FMN2: variants seen among roughly 807,000 people sequenced by gnomAD.
FMN2 encodes formin 2, also known as formin-2.
FMN2 carries 51 observed loss-of-function variants against 142.3 expected under a neutral mutation model. The observed-to-expected ratio is 0.36, with a 90% confidence interval of 0.29 to 0.45. The LOEUF is 0.45. Among genes scored for constraint, FMN2 ranks in the 20% least tolerant of loss-of-function variants. The pLI is 1.00. For synonymous variants in FMN2, 882 were observed against 869.8 expected (o/e 1.01, Z -0.25); for missense variants, 1,936 against 2,122.8 (o/e 0.91, Z 1.73).
chr1:240,139,568 CA>C (rs556124762), intron 2 of FMN2, among the ~76,000 whole-genome samples: 1 of 151,846 alleles, frequency 6.6e-6, no homozygotes. Flanking sequence ...ATGATAAAGA[CA>C]AAAAAACAAG....
chr1:240,241,825 C>CTTTTTTTTTTTTTTTTTTTTTTT (rs71567282), intron 6 of FMN2, among the ~76,000 whole-genome samples: 7 of 96,226 alleles, frequency 7.3e-5, no homozygotes, highest in African/African-American at 2.3e-4. Flanking sequence ...GTGTGCCTTG[C>CTTTTTTTTTTTTTTTTTTTTTTT]TTTTTTTTTT....
chr1:240,435,766 T>C (rs1675346424), intron 15 of FMN2, among the ~76,000 whole-genome samples: 1 of 152,224 alleles, frequency 6.6e-6, no homozygotes, highest in Admixed American at 6.5e-5. Context: ...TTCTTTGCTT[T>C]TGATACCATA....
chr1:240,388,510 T>C (rs946760518), intron 14 of FMN2, among the ~76,000 whole-genome samples: 1 of 152,060 alleles, frequency 6.6e-6, no homozygotes, highest in Admixed American at 6.6e-5. Context: ...AAAGTGTAGC[T>C]TTTATGGTCC....
chr1:240,364,680 T>C (rs1188666280), intron 14 of FMN2, among the ~76,000 whole-genome samples: 1 of 152,170 alleles, frequency 6.6e-6, no homozygotes, highest in Non-Finnish European at 1.5e-5. Context: ...CGATTCCATA[T>C]GGGAGTCCCT....
intron 6 of FMN2, among the ~76,000 whole-genome samples, chr1:240,230,604 A>T (rs1419658709): frequency 7.6e-6 from 1 of 131,768 alleles, no homozygotes; most frequent in Non-Finnish European, 1.6e-5. Context: ...TATGGATTGT[A>T]ATGTTGCCAT....
chr1:240,443,289 G>T (rs1019598770), intron 16 of FMN2, among the ~76,000 whole-genome samples: 1 of 152,172 alleles, frequency 6.6e-6, no homozygotes, highest in Non-Finnish European at 1.5e-5. Context: ...ATCTTGTCAC[G>T]AATCAGAAAA....
At chr1:240,425,926 G>T (rs925139237) in intron 15 of FMN2, among the ~76,000 whole-genome samples, 1 of 152,182 alleles carries the variant, frequency 6.6e-6, no homozygotes, top group African/African-American at 2.4e-5. Context: ...ATGAATAAGG[G>T]CAAAGCTGTA....
In FMN2 at chr1:240,253,907, T is replaced by A. The variant is rs143160171; in HGVS notation, c.4066-4038T>A. Among the ~76,000 whole-genome samples, 7 of 152,152 alleles carry A rather than the reference T, an allele frequency of 4.6e-5. No individual in the cohort carries two copies. In the East Asian group the frequency reaches 1.4e-3, roughly 29 times the overall value. On this transcript the variant is annotated intron_variant, in intron 6 of 17. Transcript: ENST00000319653. ...ATTTCCTCAGTGGCTTAGGGTGTGGTTGTTAGTGGAGGTCATGGTAAAGTT... is the reference window on the plus strand; with the variant it reads ...ATTTCCTCAGTGGCTTAGGGTGTGGATGTTAGTGGAGGTCATGGTAAAGTT...
intron 8 of FMN2, among the ~76,000 whole-genome samples, chr1:240,315,056 T>C (rs1670729429): frequency 6.6e-6 from 1 of 152,210 alleles, no homozygotes; most frequent in Non-Finnish European, 1.5e-5. Context: ...AATGGTGCAG[T>C]TGGCTAGCAA....
At chr1:240,212,165 G>A (rs1424173767) in intron 6 of FMN2, among the ~76,000 whole-genome samples, 5 of 152,110 alleles carry the variant, frequency 3.3e-5, no homozygotes, top group Non-Finnish European at 7.4e-5. Context: ...GTGATTCCTC[G>A]AATTTGTGCC....
At chr1:240,208,961 A>G (rs1666567432) in intron 5 of FMN2, among the ~76,000 whole-genome samples, 1 of 152,188 alleles carries the variant, frequency 6.6e-6, no homozygotes, top group South Asian at 2.1e-4. Context: ...AATGTATAAG[A>G]TGTAGGTATA....
chr1:240,125,952 T>C (rs7524136), intron 2 of FMN2, among the ~76,000 whole-genome samples: 14,368 of 152,220 alleles, frequency 0.094, 800 homozygotes, highest in African/African-American at 0.13. Flanking sequence ...TTGCATTTTG[T>C]CTTCCTTTAT....
At chr1:240,463,427 G>A (rs970574726) in intron 16 of FMN2, among the ~76,000 whole-genome samples, 2 of 152,208 alleles carry the variant, frequency 1.3e-5, no homozygotes, top group African/African-American at 2.4e-5. Context: ...AGGTGGGTGA[G>A]AGGAAGGAGA....
At chr1:240,420,981 A>G (rs1674742702) in intron 15 of FMN2, among the ~76,000 whole-genome samples, 1 of 152,214 alleles carries the variant, frequency 6.6e-6, no homozygotes, top group Non-Finnish European at 1.5e-5. Flanking sequence ...AGGAGAGGGA[A>G]GGAAGGAAGG....
intron 15 of FMN2, among the ~76,000 whole-genome samples, chr1:240,412,679 T>G (rs985427126): frequency 6.6e-6 from 1 of 151,816 alleles, no homozygotes; most frequent in Admixed American, 6.6e-5. Flanking sequence ...AGGAATACAG[T>G]GGTTGGGAAC....
chr1:240,142,869 A>C (rs1663250421), intron 2 of FMN2: 9 of 1,598,116 alleles, frequency 5.6e-6, no homozygotes, highest in Non-Finnish European at 6.9e-6. Context: ...ATGGACAGAC[A>C]CTGGCAATGG....
chr1:240,306,969 G>T lies in FMN2; in HGVS notation c.4215+12086G>T, dbSNP rs544071073. Among the ~76,000 whole-genome samples, 36 of 152,284 alleles carry T rather than the reference G, an allele frequency of 2.4e-4. 1 individual carries two copies. Among genetic ancestry groups the T allele is most frequent in the Middle Eastern group, 6.8e-3 (2 of 294 alleles). On this transcript the variant is annotated intron_variant, in intron 8 of 17. Coordinates refer to ENST00000319653, the MANE Select transcript of FMN2 (RefSeq NM_020066.5). ...CACTGGTGTGAGATGGCATCTCATT[G>T]TGGTTTTGATTTGTATCTCTCTGGT...
At chr1:240,373,114 G>A (rs908689307) in intron 14 of FMN2, among the ~76,000 whole-genome samples, 1 of 151,098 alleles carries the variant, frequency 6.6e-6, no homozygotes, top group African/African-American at 2.4e-5. Flanking sequence ...AACCCAGGAG[G>A]TGGAGTTTGC....
intron 5 of FMN2, among the ~76,000 whole-genome samples, chr1:240,209,581 T>C (rs1216273474): frequency 1.3e-5 from 2 of 150,278 alleles, no homozygotes; most frequent in Non-Finnish European, 3.0e-5. Context: ...GTAAACTGAC[T>C]CTGGAGCATG....
Sources: gnomAD v4.1 joint callset for allele counts (sites outside exome capture counted in the v4.1 genomes callset) on GRCh38, gnomAD v4.1.1 for gene constraint, MANE v1.5 for transcripts, NCBI Gene and HGNC (gene_info 2026-07-23, HGNC 2026-07-21) for gene names.